Variants in SPART observed in about 807,000 individuals in gnomAD.
SPART encodes spastic paraplegia 20 (Troyer syndrome).
SPART carries 35 observed loss-of-function variants against 58.7 expected under a neutral mutation model. The ratio of observed to expected loss-of-function variants is 0.60; its 90% CI spans 0.46 to 0.79. The LOEUF is 0.79. SPART is among the 30% of genes least tolerant of loss of function. The probability of loss-of-function intolerance (pLI) is 0.00; values close to 1 mark genes in which losing one functional copy is unlikely to be tolerated. For missense variants in SPART, 730 were observed against 786.1 expected, an observed-to-expected ratio of 0.93 and a Z score of 0.85; for synonymous variants, 284 against 280.7, an observed-to-expected ratio of 1.01 and a Z score of -0.12.
At chr13:36,349,691 A>T (rs548365505), upstream of SPART, among the ~76,000 whole-genome samples, 2 of 152,354 alleles carry the variant, frequency 1.3e-5, no homozygotes, top group East Asian at 3.9e-4. Flanking sequence ...GAGCTTTCCT[A>T]AATTATATTA....
intron 7 of SPART, 32 bp downstream of exon 7, chr13:36,312,287 C>A: frequency 1.2e-6 from 2 of 1,613,224 alleles, no homozygotes; most frequent in Non-Finnish European, 1.7e-6. Context: ...GCAAACGGAC[C>A]TTCATAGTTA....
intron 1 of SPART, among the ~76,000 whole-genome samples, chr13:36,346,014 G>C (rs1456715174): frequency 6.6e-6 from 1 of 152,188 alleles, no homozygotes; most frequent in Non-Finnish European, 1.5e-5. Context: ...CGCGAGAGAA[G>C]GGACTGAGAA....
At chr13:36,350,037 G>A (rs1885351990), upstream of SPART, among the ~76,000 whole-genome samples, 1 of 152,204 alleles carries the variant, frequency 6.6e-6, no homozygotes, top group Non-Finnish European at 1.5e-5. Context: ...GAGATTAGCA[G>A]AAAATAATTG....
chr13:36,333,424 A>T (rs1593260640), intron 2 of SPART, among the ~76,000 whole-genome samples: 1 of 82,150 alleles, frequency 1.2e-5, no homozygotes, highest in Non-Finnish European at 2.2e-5. Flanking sequence ...TTGGATTATT[A>T]TTGTATTTTT....
rs1391015616 is a variant in SPART, at chr13:36,304,648, TAG to T, written c.1734-18_1734-17del. 6.2e-7 allele frequency: 1 copy of T among 1,612,168 alleles called. No homozygotes were observed. Among genetic ancestry groups the T allele is most frequent in the Non-Finnish European group, 8.5e-7 (1 of 1,178,740 alleles). On this transcript the variant is annotated splice_polypyrimidine_tract_variant and intron_variant, in intron 8 of 8. Coordinates refer to ENST00000438666, the MANE Select transcript of SPART (RefSeq NM_015087.5). Reference sequence around the variant, plus strand: ...ATATCCGTATCTTTAAAAGAAAGATTAGAGGACATACAATGAAACAATAAATA... The same window carrying T: ...ATATCCGTATCTTTAAAAGAAAGATTAGGACATACAATGAAACAATAAATA...
chr13:36,325,541 T>C (rs2137455826), intron 5 of SPART, among the ~76,000 whole-genome samples: 1 of 152,218 alleles, frequency 6.6e-6, no homozygotes, highest in East Asian at 1.9e-4. Flanking sequence ...TCAAGACCCA[T>C]TTAATGGGGT....
intron 1 of SPART, among the ~76,000 whole-genome samples, chr13:36,339,333 A>T (rs1422611039): frequency 6.6e-6 from 1 of 152,122 alleles, no homozygotes; most frequent in African/African-American, 2.4e-5. Context: ...ATAATAAATA[A>T]GAAAATTAGG....
intron 1 of SPART, among the ~76,000 whole-genome samples, chr13:36,345,931 G>A (rs982371056): frequency 3.9e-5 from 6 of 152,152 alleles, no homozygotes; most frequent in Non-Finnish European, 7.3e-5. Context: ...GATAGGAATC[G>A]AGCGGGAAGG....
chr13:36,354,557 A>G (rs1885547625), intron 1 of SPART, among the ~76,000 whole-genome samples: 1 of 152,246 alleles, frequency 6.6e-6, no homozygotes, highest in African/African-American at 2.4e-5. Context: ...ACATGTTGTC[A>G]TGCATCATTG....
intron 5 of SPART, among the ~76,000 whole-genome samples, chr13:36,316,868 G>A (rs980053638): frequency 6.6e-6 from 1 of 152,098 alleles, no homozygotes; most frequent in Non-Finnish European, 1.5e-5. Flanking sequence ...ACAACCTCAG[G>A]TCCTAAGACC....
At chr13:36,306,659 G>A (rs1005671265) in intron 8 of SPART, among the ~76,000 whole-genome samples, 2 of 151,750 alleles carry the variant, frequency 1.3e-5, no homozygotes, top group East Asian at 1.9e-4. Context: ...CTTTAATAAC[G>A]TACTAAAAAT....
intron 5 of SPART, among the ~76,000 whole-genome samples, chr13:36,322,004 C>T (rs150063394): frequency 9.2e-5 from 14 of 152,108 alleles, no homozygotes; most frequent in East Asian, 7.8e-4. Context: ...CACTCCTGCC[C>T]GCCAGAGAAC....
At chr13:36,344,056 G>T (rs1334928451) in intron 1 of SPART, among the ~76,000 whole-genome samples, 1 of 148,918 alleles carries the variant, frequency 6.7e-6, no homozygotes, top group Non-Finnish European at 1.5e-5. Context: ...AAAAAAGAAA[G>T]AAAGAAAAGA....
intron 2 of SPART, among the ~76,000 whole-genome samples, chr13:36,332,999 G>A (rs35207295): frequency 2.0e-5 from 3 of 151,708 alleles, no homozygotes; most frequent in South Asian, 2.1e-4. Context: ...ATAAAACTTA[G>A]GAAAGGTTTT....
At position 36,329,536 on chromosome 13, in the gene SPART, A is replaced by C. The variant is rs1334901868; in HGVS notation, c.1009-19T>G. 1 of 1,613,682 alleles carries C rather than the reference A, an allele frequency of 6.2e-7. No homozygotes were observed. Among genetic ancestry groups the C allele is most frequent in the Non-Finnish European group, 8.5e-7 (1 of 1,179,776 alleles). On this transcript the variant is annotated intron_variant, in intron 3 of 8. Coordinates refer to ENST00000438666, the MANE Select transcript of SPART (RefSeq NM_015087.5). Reference sequence around the variant, plus strand: ...AGTTGGCCTAGAGAATAAAGGTTTAAGCTTAACTCTAATCAGAATTTTTCT... The same window carrying C: ...AGTTGGCCTAGAGAATAAAGGTTTACGCTTAACTCTAATCAGAATTTTTCT...
Position 36,316,505 on chromosome 13 carries a change from A to G in SPART, c.1289-2084T>C, listed in dbSNP as rs576492562. 9.9e-5 allele frequency among the ~76,000 whole-genome samples: 15 copies of G among 152,254 alleles called. No individual in the cohort carries two copies. In the South Asian group the frequency reaches 3.1e-3, roughly 32 times the overall value. On this transcript the variant is annotated intron_variant, in intron 5 of 8. Coordinates refer to ENST00000438666, the MANE Select transcript of SPART (RefSeq NM_015087.5). ...ACTCCTTGCCTTAAGTGATGACATT[A>G]CCTTGTGAAAGTCCTTTTCCTGGCT...
chr13:36,352,236 G>T (rs922255078), intron 1 of SPART, among the ~76,000 whole-genome samples: 10 of 152,180 alleles, frequency 6.6e-5, no homozygotes, highest in Non-Finnish European at 1.3e-4. Flanking sequence ...TCTTAGTAAA[G>T]TATAACTTTC....
chr13:36,352,758 C>T (rs1885465707), intron 1 of SPART, among the ~76,000 whole-genome samples: 2 of 150,176 alleles, frequency 1.3e-5, no homozygotes, highest in Admixed American at 1.3e-4. Context: ...ACCAGACCAG[C>T]CTGGGCAACA....
intron 1 of SPART, chr13:36,365,373 A>T (rs544021302): frequency 3.3e-6 from 1 of 306,754 alleles, no homozygotes; most frequent in African/African-American, 2.2e-5. Flanking sequence ...GTGTATGTGT[A>T]TGTGTGTTCT....
Sources: gnomAD v4.1 joint callset for allele counts (sites outside exome capture counted in the v4.1 genomes callset) on GRCh38, gnomAD v4.1.1 for gene constraint, MANE v1.5 for transcripts, NCBI Gene and HGNC (gene_info 2026-07-23, HGNC 2026-07-21) for gene names.